TENM1: variants seen among roughly 807,000 people sequenced by gnomAD.
TENM1 encodes the protein teneurin-1.
In TENM1, 35 loss-of-function variants were observed where a neutral mutation model predicts 174.8. The ratio of observed to expected loss-of-function variants is 0.20; its 90% CI spans 0.15 to 0.27. TENM1 has a LOEUF of 0.27. TENM1 is among the 10% of genes least tolerant of loss of function. The pLI is 1.00. For missense variants in TENM1, 1,633 were observed against 2,130.1 expected (o/e 0.77, Z 4.59); for synonymous variants, 781 against 798.7 (o/e 0.98, Z 0.37).
chrX:124,628,901 T>C (rs1017630365), intron 11 of TENM1, among the ~76,000 whole-genome samples: 5 of 111,803 alleles, frequency 4.5e-5, no homozygotes, highest in Non-Finnish European at 9.4e-5. Flanking sequence ...GAAGTCCCTT[T>C]GCCTCGTCAT....
chrX:125,013,079 G>A, the TENM1 span, among the ~76,000 whole-genome samples: 2 of 111,748 alleles, frequency 1.8e-5, no homozygotes, highest in Non-Finnish European at 1.9e-5. Context: ...AATAGCTACA[G>A]TTCTATCTAG....
At chrX:124,415,690 A>G (rs1266745564) in intron 25 of TENM1, among the ~76,000 whole-genome samples, 1 of 111,525 alleles carries the variant, frequency 9.0e-6, no homozygotes, top group East Asian at 2.8e-4. Context: ...TGTGTTTCTC[A>G]TAGCTTAGTG....
intron 23 of TENM1, among the ~76,000 whole-genome samples, chrX:124,428,694 T>C (rs775314995): frequency 9.2e-6 from 1 of 108,901 alleles, no homozygotes; most frequent in African/African-American, 3.3e-5. Context: ...GCCTGGCACA[T>C]AGTAAGGGAT....
At chrX:124,642,051 T>G in intron 10 of TENM1, 60 bp from the exon 14 acceptor site, 1 of 807,600 alleles carries the variant, frequency 1.2e-6, no homozygotes, top group Non-Finnish European at 1.9e-6. Context: ...ATGGCCAACA[T>G]ACCTTAGTAT....
chrX:124,542,582 A>T (rs1207553259), intron 15 of TENM1, among the ~76,000 whole-genome samples: 1 of 111,672 alleles, frequency 9.0e-6, no homozygotes, highest in Non-Finnish European at 1.9e-5. Flanking sequence ...AAGATTTTAG[A>T]TCTTTAAGCT....
chrX:124,551,196 T>C (rs1178794191), intron 14 of TENM1, among the ~76,000 whole-genome samples: 1 of 111,909 alleles, frequency 8.9e-6, no homozygotes, highest in Non-Finnish European at 1.9e-5. Flanking sequence ...ATAATAAAGA[T>C]GAGATTGGGT....
chrX:124,959,945 TCA>T (rs1251304343), intron 1 of TENM1, among the ~76,000 whole-genome samples: 1 of 111,686 alleles, frequency 9.0e-6, no homozygotes, highest in African/African-American at 3.3e-5. Context: ...TTCAGTGGCC[TCA>T]CAGATTTTTC....
At chrX:125,098,897 A>G in the TENM1 span, among the ~76,000 whole-genome samples, 1 of 112,458 alleles carries the variant, frequency 8.9e-6, no homozygotes, top group East Asian at 2.8e-4. Flanking sequence ...ACGGTACTAT[A>G]TTGGTTTACA....
intron 22 of TENM1, among the ~76,000 whole-genome samples, chrX:124,473,134 T>C (rs1485230556): frequency 9.0e-6 from 1 of 111,680 alleles, no homozygotes; most frequent in Non-Finnish European, 1.9e-5. Flanking sequence ...AAACTTTCAA[T>C]AGGAAGAAGT....
In TENM1 at chrX:124,711,557, G is replaced by C. The variant is rs913973788; in HGVS notation, c.777-6306C>G. Among the ~76,000 whole-genome samples, 10 of 111,700 alleles carry C rather than the reference G, an allele frequency of 9.0e-5. No individual in the cohort carries two copies. The East Asian group carries it at 2.8e-3, about 31-fold the overall frequency. On this transcript the variant is annotated intron_variant, in intron 4 of 31. Coordinates refer to ENST00000422452, the Ensembl canonical transcript of TENM1. ...GACTCATTTTTGTACCCAGAAGAAGGAATTCAACTTGCTTCCAGTAGAAGC... is the reference window on the plus strand; with the variant it reads ...GACTCATTTTTGTACCCAGAAGAAGCAATTCAACTTGCTTCCAGTAGAAGC...
rs1556644351 is a variant in TENM1, at chrX:124,471,298, T to TTATAATATATATAGTACTATA, written c.3949+10433_3949+10434insTATAGTACTATATATATTATA. On this transcript the variant is annotated intron_variant, in intron 22 of 31. Transcript: ENST00000422452. ...TATATATAATATATAGTACTATATA[T>TTATAATATATATAGTACTATA]TATAATATATAGTACTATATATTAT... is the stretch of plus-strand genomic sequence containing the variant. 8.1e-5 allele frequency among the ~76,000 whole-genome samples: 2 copies of TTATAATATATATAGTACTATA among 24,672 alleles called. 1 individual carries two copies. Among genetic ancestry groups the TTATAATATATATAGTACTATA allele is most frequent in the Non-Finnish European group, 1.3e-4 (2 of 15,585 alleles). 21.4% of individuals were successfully genotyped at this position (24,672 alleles called of 115,157 possible). A position where few individuals can be genotyped will look rare whatever the true frequency, so the allele number is the denominator to read the frequency against.
intron 3 of TENM1, among the ~76,000 whole-genome samples, chrX:124,751,446 A>C (rs2054064805): frequency 8.9e-6 from 1 of 111,747 alleles, no homozygotes; most frequent in Non-Finnish European, 1.9e-5. Context: ...CTCTAGAAAT[A>C]GTATCACTAC....
chrX:124,577,946 G>C (rs1389381021), intron 11 of TENM1, among the ~76,000 whole-genome samples: 1 of 105,007 alleles, frequency 9.5e-6, no homozygotes, highest in Non-Finnish European at 1.9e-5. Flanking sequence ...TTTTTTTTGA[G>C]GCAGGGTCTC....
At chrX:124,971,609 A>T in the TENM1 span, among the ~76,000 whole-genome samples, 47,278 of 108,594 alleles carry the variant, frequency 0.44, 9,157 homozygotes, top group African/African-American at 0.72. Context: ...CAATTTTTTT[A>T]TTATTATTTC....
the TENM1 span, among the ~76,000 whole-genome samples, chrX:125,083,598 T>C: frequency 9.0e-6 from 1 of 111,087 alleles, no homozygotes; most frequent in East Asian, 2.8e-4. Flanking sequence ...CCACATATAT[T>C]GAAAGATGCC....
the TENM1 span, among the ~76,000 whole-genome samples, chrX:125,035,811 AT>A: frequency 9.0e-6 from 1 of 111,088 alleles, no homozygotes. Context: ...CTAGAGTGAT[AT>A]TTGAGGCTGT....
chrX:124,980,779 A>G, the TENM1 span, among the ~76,000 whole-genome samples: 1 of 111,583 alleles, frequency 9.0e-6, no homozygotes, highest in Non-Finnish European at 1.9e-5. Flanking sequence ...GCTTATTGCC[A>G]ATCATTTGAA....
At chrX:124,919,676 T>G (rs2057989102) in intron 1 of TENM1, among the ~76,000 whole-genome samples, 1 of 111,554 alleles carries the variant, frequency 9.0e-6, no homozygotes, top group Non-Finnish European at 1.9e-5. Context: ...TTTCTTAAGC[T>G]ACATGGTGAA....
At chrX:124,751,977 C>T (rs2054085012) in intron 3 of TENM1, among the ~76,000 whole-genome samples, 1 of 110,652 alleles carries the variant, frequency 9.0e-6, no homozygotes, top group South Asian at 3.9e-4. Flanking sequence ...TTTATAGCGG[C>T]ATGATTTATA....
Sources: gnomAD v4.1 joint callset for allele counts (sites outside exome capture counted in the v4.1 genomes callset) on GRCh38, gnomAD v4.1.1 for gene constraint, MANE v1.5 for transcripts, NCBI Gene and HGNC (gene_info 2026-07-23, HGNC 2026-07-21) for gene names.